The following FAM8A1 variants were observed in gnomAD, a reference collection of about 807,000 sequenced individuals.
FAM8A1 encodes family with sequence similarity 8 member A1.
A neutral mutation model predicts 38.3 loss-of-function variants in FAM8A1; 18 were observed. The observed-to-expected ratio is 0.47, with a 90% CI of 0.33 to 0.70. The LOEUF (loss-of-function observed/expected upper bound fraction) is 0.70, where lower values mean the gene tolerates loss of function less well. FAM8A1 is among the 30% of genes least tolerant of loss of function. FAM8A1 has a pLI of 0.03. For synonymous variants in FAM8A1, 246 were observed against 234.4 expected, an observed-to-expected ratio of 1.05 and a Z score of -0.45; for missense variants, 559 against 559.6, an observed-to-expected ratio of 1.00 and a Z score of 0.01.
rs1031089701 is a variant in FAM8A1 at position 17,609,269 on chromosome 6, G to A, written c.*930G>A. ...ATTAGTGCTTCTCAGTGTTCTCAGT[G>A]TAAATTCTATTTATATACAGCATAT... On this transcript the variant is annotated 3_prime_UTR_variant, in exon 5 of 5. Transcript: ENST00000259963. 2.2e-4 allele frequency: 33 copies of A among 151,986 alleles called. No homozygotes were observed. The highest frequency in any genetic ancestry group is 1.5e-3 in the Admixed American group (23 of 15,264). The allele number at this position is 151,986 out of a possible 1,614,324, so 9.4% of individuals were successfully genotyped here.
intron 1 of FAM8A1, 21 bp downstream of exon 1, chr6:17,601,142 G>C (rs1243515521): frequency 6.4e-7 from 1 of 1,570,540 alleles, no homozygotes; most frequent in Non-Finnish European, 8.6e-7. Flanking sequence ...CGAGGTGGAG[G>C]CTGGGCGGAG....
Sources: gnomAD v4.1 joint callset for allele counts on GRCh38, gnomAD v4.1.1 for gene constraint, MANE v1.5 for transcripts, NCBI Gene and HGNC (gene_info 2026-07-23, HGNC 2026-07-21) for gene names.